KLF13: variants seen among roughly 807,000 people sequenced by gnomAD.
KLF13 encodes the protein Krueppel-like factor 13.
Under a neutral mutation model 16.7 loss-of-function variants are expected in KLF13, and 8 were observed. The ratio of observed to expected loss-of-function variants is 0.48; its 90% confidence interval spans 0.28 to 0.87. KLF13 has a LOEUF of 0.87. KLF13 is among the 40% of genes least tolerant of loss of function. The pLI, the probability that KLF13 is intolerant of heterozygous loss-of-function variation, is 0.10. For synonymous variants in KLF13, 245 were observed against 208.4 expected, an observed-to-expected ratio of 1.18 and a Z score of -1.51; for missense variants, 447 against 452.2, an observed-to-expected ratio of 0.99 and a Z score of 0.10.
At chr15:31,354,132 C>T (rs2039262849) in intron 1 of KLF13, among the ~76,000 whole-genome samples, 1 of 152,176 alleles carries the variant, frequency 6.6e-6, no homozygotes, top group Non-Finnish European at 1.5e-5. Flanking sequence ...TCTGCCCTCC[C>T]AGTGAGTGTC....
At chr15:31,329,913 C>T (rs545219824) in intron 1 of KLF13, among the ~76,000 whole-genome samples, 1 of 152,146 alleles carries the variant, frequency 6.6e-6, no homozygotes, top group Non-Finnish European at 1.5e-5. Flanking sequence ...TGATGCCGAC[C>T]TAGTACACAC....
At chr15:31,399,226 G>A (rs1399987986) in intron 2 of KLF13, among the ~76,000 whole-genome samples, 3 of 152,172 alleles carry the variant, frequency 2.0e-5, no homozygotes, top group South Asian at 2.1e-4. Context: ...TTCCCCCTGC[G>A]GCTGGAGTGC....
chr15:31,327,799 G>A lies in KLF13; in HGVS notation c.577+10G>A. ...CTGAGAACTCACACAGGTCAGTGGG[G>A]CGGCGCGGGCGCCCGGATCGCGCGG... On this transcript the variant is annotated intron_variant, in intron 1 of 1. Transcript: ENST00000307145. The A allele has an allele frequency of 1.4e-6, 2 of 1,469,066 alleles. No homozygotes were observed. The highest frequency in any genetic ancestry group is 1.9e-4 in the Middle Eastern group (1 of 5,312). The allele number at this position is 1,469,066 out of a possible 1,614,324, so 91.0% of individuals were successfully genotyped here.
At chr15:31,365,886 C>A (rs899089529) in intron 1 of KLF13, among the ~76,000 whole-genome samples, 3 of 152,124 alleles carry the variant, frequency 2.0e-5, no homozygotes, top group East Asian at 1.9e-4. Context: ...AGCCCCTGCG[C>A]CCCCCTTCCG....
At chr15:31,421,984 G>A (rs574799183) in intron 1 of KLF13, among the ~76,000 whole-genome samples, 17 of 151,972 alleles carry the variant, frequency 1.1e-4, no homozygotes, top group Admixed American at 4.6e-4. Flanking sequence ...GCATGGTGGC[G>A]TGCACCTGTA....
At chr15:31,390,930 C>T (rs2039855725), upstream of KLF13, among the ~76,000 whole-genome samples, 1 of 151,724 alleles carries the variant, frequency 6.6e-6, no homozygotes, top group Non-Finnish European at 1.5e-5. Context: ...CTGGTGGGAG[C>T]CTTTCTGGCC....
rs1411139117 is a variant in KLF13, at chr15:31,375,170, C to G, written c.*2871C>G. The G allele has an allele frequency of 1.3e-5, 2 of 152,294 alleles. No individual in the cohort carries two copies. The highest frequency in any genetic ancestry group is 2.9e-5 in the Non-Finnish European group (2 of 68,024). The allele number at this position is 152,294 out of a possible 1,614,324, so 9.4% of individuals were successfully genotyped here. A position where few individuals can be genotyped will look rare whatever the true frequency, so the allele number is the denominator to read the frequency against. ...AATCATCTGCGGCTTAAACTCATCT[C>G]GCTTGAAGGGCAGGGAGAAACCCAT... On this transcript the variant is annotated 3_prime_UTR_variant, in exon 2 of 2. Transcript: ENST00000307145.
intron 1 of KLF13, among the ~76,000 whole-genome samples, chr15:31,385,060 G>A (rs1317597551): frequency 9.6e-4 from 146 of 152,174 alleles, no homozygotes; most frequent in Non-Finnish European, 2.5e-4. Flanking sequence ...AGAGATGTGA[G>A]AGGGATGATC....
rs991108675 is a variant in KLF13, at chr15:31,373,109, T to G, written c.*810T>G. On this transcript the variant is annotated 3_prime_UTR_variant, in exon 2 of 2. Coordinates refer to ENST00000307145, the MANE Select transcript of KLF13 (RefSeq NM_015995.4). ...GGGGTCACACCTGCCAGGACTCCGC[T>G]TCTCCGTGTCCCAGCAGAAGGCATG... The G allele has an allele frequency of 6.6e-6, 1 of 152,290 alleles. No homozygotes were observed. The highest frequency in any genetic ancestry group is 1.5e-5 in the Non-Finnish European group (1 of 68,078). 9.4% of individuals were successfully genotyped at this position (152,290 alleles called of 1,614,324 possible).
At chr15:31,382,357 G>A (rs1430351527), downstream of KLF13, among the ~76,000 whole-genome samples, 1 of 152,210 alleles carries the variant, frequency 6.6e-6, no homozygotes, top group Non-Finnish European at 1.5e-5. Context: ...AGGGTACGAG[G>A]CTCAGAGGGT....
At chr15:31,332,502 A>G (rs1282787839) in intron 1 of KLF13, among the ~76,000 whole-genome samples, 1 of 150,838 alleles carries the variant, frequency 6.6e-6, no homozygotes, top group Non-Finnish European at 1.5e-5. Context: ...CGCCATCTCC[A>G]CTCCCCCCTT....
At chr15:31,403,383 A>C (rs1189240928) in intron 2 of KLF13, 1 of 152,216 alleles carries the variant, frequency 6.6e-6, no homozygotes, top group Non-Finnish European at 1.5e-5. Context: ...TAGAGGCCCC[A>C]CCATACATGT....
chr15:31,398,430 G>A (rs534980037), intron 2 of KLF13, among the ~76,000 whole-genome samples: 16 of 152,302 alleles, frequency 1.1e-4, no homozygotes, highest in African/African-American at 3.8e-4. Context: ...AGCAGAGCGT[G>A]GTGGGCAATG....
intron 1 of KLF13, among the ~76,000 whole-genome samples, chr15:31,333,611 CT>C (rs1287064033): frequency 6.6e-6 from 1 of 151,946 alleles, no homozygotes; most frequent in Non-Finnish European, 1.5e-5. Context: ...ATTTTTCTCC[CT>C]TTTCCATCTC....
chr15:31,388,211 ATTGT>A (rs773512101), upstream of KLF13, among the ~76,000 whole-genome samples: 19 of 152,184 alleles, frequency 1.2e-4, no homozygotes, highest in Admixed American at 3.3e-4. Context: ...TGTTTGTTTG[ATTGT>A]TTGTTTGTTT....
Position 31,374,505 on chromosome 15 carries a change from A to G in KLF13, c.*2206A>G, listed in dbSNP as rs749171543. ...TGCAAAGATCTTCATGCCCAGTTCCAAAGTGAGGTCCCTCCCAAAGTTGTT... is the reference window on the plus strand; with the variant it reads ...TGCAAAGATCTTCATGCCCAGTTCCGAAGTGAGGTCCCTCCCAAAGTTGTT... On this transcript the variant is annotated 3_prime_UTR_variant, in exon 2 of 2. Transcript: ENST00000307145. The G allele has an allele frequency of 1.3e-5, 2 of 152,654 alleles. No individual in the cohort carries two copies. The highest frequency in any genetic ancestry group is 2.9e-5 in the Non-Finnish European group (2 of 68,044). 9.5% of individuals were successfully genotyped at this position (152,654 alleles called of 1,614,324 possible).
chr15:31,394,067 C>T (rs2039916844), intron 2 of KLF13, among the ~76,000 whole-genome samples: 1 of 152,140 alleles, frequency 6.6e-6, no homozygotes, highest in African/African-American at 2.4e-5. Flanking sequence ...CAGAGAAGCG[C>T]TGTGCACTGG....
At chr15:31,342,101 A>G (rs1032014124) in intron 1 of KLF13, among the ~76,000 whole-genome samples, 4 of 152,078 alleles carry the variant, frequency 2.6e-5, no homozygotes, top group Admixed American at 2.0e-4. Flanking sequence ...TGAAACCTCA[A>G]CCTCAAGGTG....
downstream of KLF13, among the ~76,000 whole-genome samples, chr15:31,406,393 C>T (rs969695119): frequency 1.3e-5 from 2 of 152,214 alleles, no homozygotes; most frequent in African/African-American, 2.4e-5. Context: ...AGGAGAATCG[C>T]TTGAACCCGG....
Sources: gnomAD v4.1 joint callset for allele counts (sites outside exome capture counted in the v4.1 genomes callset) on GRCh38, gnomAD v4.1.1 for gene constraint, MANE v1.5 for transcripts, NCBI Gene and HGNC (gene_info 2026-07-23, HGNC 2026-07-21) for gene names.